Variants in CLIP1 observed in about 807,000 individuals in gnomAD.
CLIP1 encodes CAP-Gly domain containing linker protein 1.
A neutral mutation model predicts 161.6 loss-of-function variants in CLIP1; 66 were observed. That is an observed-to-expected ratio of 0.41 (90% CI 0.33 to 0.50). The LOEUF (loss-of-function observed/expected upper bound fraction) is 0.50, where lower values mean the gene tolerates loss of function less well. Among genes scored for constraint, CLIP1 ranks in the 20% least tolerant of loss-of-function variants. CLIP1 has a pLI of 0.27. For missense variants in CLIP1, 1,376 were observed against 1,702.0 expected (o/e 0.81, Z 3.37); for synonymous variants, 598 against 626.2 (o/e 0.96, Z 0.67).
intron 11 of CLIP1, 68 bp downstream of exon 11, chr12:122,340,685 A>C: frequency 2.2e-6 from 3 of 1,333,562 alleles, no homozygotes; most frequent in Non-Finnish European, 3.1e-6. Context: ...ATCTCAACTC[A>C]AAAGTAACAT....
chr12:122,388,164 T>A (rs1955407611), intron 1 of CLIP1, among the ~76,000 whole-genome samples: 1 of 151,966 alleles, frequency 6.6e-6, no homozygotes, highest in Admixed American at 6.5e-5. Context: ...CACATGAAAG[T>A]TTGTTAGAAA....
Position 122,377,602 on chromosome 12 carries a change from C to A in CLIP1, c.444G>T (p.Pro148=). Residue 148 remains proline, a synonymous_variant, in exon 3 of 26, where the codon CCG becomes CCT. Coordinates refer to ENST00000620786, the MANE Select transcript of CLIP1 (RefSeq NM_001247997.2). Reference sequence around the variant, plus strand: ...CCATGCTGGCCGTAGAAGTGCACAGCGGTGAAGTAGCTCGGGAGGCGGGCG... The same window carrying A: ...CCATGCTGGCCGTAGAAGTGCACAGAGGTGAAGTAGCTCGGGAGGCGGGCG... The part of the protein sequence containing the change: ...QTTPASRATS[P]LCTSTASMVS... 2 of 1,613,868 alleles carry A rather than the reference C, an allele frequency of 1.2e-6. No homozygotes were observed. Among genetic ancestry groups the A allele is most frequent in the Non-Finnish European group, 1.7e-6 (2 of 1,179,996 alleles).
At chr12:122,366,338 T>C (rs1954169595) in intron 3 of CLIP1, among the ~76,000 whole-genome samples, 1 of 149,848 alleles carries the variant, frequency 6.7e-6, no homozygotes. Context: ...AAAAAATAAT[T>C]GGCCCAGTGT....
At chr12:122,394,048 G>A (rs983977187) in intron 1 of CLIP1, among the ~76,000 whole-genome samples, 2 of 151,958 alleles carry the variant, frequency 1.3e-5, no homozygotes, top group Admixed American at 6.6e-5. Context: ...AAAACAGGAT[G>A]TGATGTCTCT....
rs1566242731 is a variant in CLIP1 at position 122,409,134 on chromosome 12, C to G, written c.-107+13387G>C. 2.7e-5 allele frequency among the ~76,000 whole-genome samples: 4 copies of G among 148,496 alleles called. No individual in the cohort carries two copies. In the East Asian group the frequency reaches 6.0e-4, roughly 22 times the overall value. On this transcript the variant is annotated intron_variant, in intron 1 of 25. Transcript: ENST00000620786. ...CCTATAATATTTTTCTTTTCTTTTTCTTTTTTTTTGAGATGGAGTCTTGCT... is the reference window on the plus strand; with the variant it reads ...CCTATAATATTTTTCTTTTCTTTTTGTTTTTTTTTGAGATGGAGTCTTGCT...
At chr12:122,396,971 G>GTT (rs1231012817) in intron 1 of CLIP1, among the ~76,000 whole-genome samples, 1 of 129,428 alleles carries the variant, frequency 7.7e-6, no homozygotes, top group African/African-American at 2.9e-5. Flanking sequence ...TAGAGATGGG[G>GTT]TTTTACCATG....
intron 1 of CLIP1, among the ~76,000 whole-genome samples, chr12:122,394,724 A>C (rs980147664): frequency 6.6e-6 from 1 of 151,572 alleles, no homozygotes. Flanking sequence ...CATCTCTACT[A>C]AAAATACAAA....
At chr12:122,330,732 T>G (rs1951917668) in intron 15 of CLIP1, among the ~76,000 whole-genome samples, 1 of 151,072 alleles carries the variant, frequency 6.6e-6, no homozygotes. Context: ...CCTGAGTAGC[T>G]GGGAATCCAG....
intron 20 of CLIP1, 43 bp downstream of exon 20, chr12:122,309,719 C>A: frequency 1.9e-6 from 3 of 1,609,520 alleles, no homozygotes; most frequent in South Asian, 2.2e-5. Context: ...AGCAGCAGCA[C>A]CCAGCATGGC....
intron 4 of CLIP1, among the ~76,000 whole-genome samples, chr12:122,362,104 C>T (rs929198282): frequency 3.3e-5 from 5 of 151,526 alleles, no homozygotes; most frequent in African/African-American, 1.2e-4. Flanking sequence ...CAGGCACACG[C>T]CACCCTGCCT....
intron 17 of CLIP1, among the ~76,000 whole-genome samples, chr12:122,321,810 C>T (rs1383902159): frequency 1.3e-5 from 2 of 152,202 alleles, no homozygotes; most frequent in African/African-American, 2.4e-5. Flanking sequence ...TGAGCCACTG[C>T]GCCCAGCCGA....
intron 5 of CLIP1, among the ~76,000 whole-genome samples, chr12:122,357,716 G>GC (rs1953523291): frequency 7.0e-6 from 1 of 143,290 alleles, no homozygotes; most frequent in East Asian, 2.2e-4. Flanking sequence ...CCAGCCAGCC[G>GC]CCCCGTCCGG....
Position 122,393,912 on chromosome 12 carries a change from C to CAAAAAAAAAAAAAAA in CLIP1, c.-106-13369_-106-13355dup, listed in dbSNP as rs71082981. Among the ~76,000 whole-genome samples the CAAAAAAAAAAAAAAA allele has an allele frequency of 2.3e-3, 146 of 63,180 alleles. 8 individuals are homozygous for CAAAAAAAAAAAAAAA. The highest frequency in any genetic ancestry group is 6.6e-3 in the African/African-American group (142 of 21,646). The allele number at this position is 63,180 out of a possible 152,430, so 41.4% of individuals were successfully genotyped here. A position where few individuals can be genotyped will look rare whatever the true frequency, so the allele number is the denominator to read the frequency against. On this transcript the variant is annotated intron_variant, in intron 1 of 25. Coordinates refer to ENST00000620786, the MANE Select transcript of CLIP1 (RefSeq NM_001247997.2). ...GGGTGACAGAGTGAGATTCTGTCTC[C>CAAAAAAAAAAAAAAA]AAAAAAAAAAAAAAAAAAGATTCTA...
At chr12:122,387,581 TATATA>T (rs1566209589) in intron 1 of CLIP1, among the ~76,000 whole-genome samples, 10 of 4,496 alleles carry the variant, frequency 2.2e-3, no homozygotes, top group Non-Finnish European at 3.5e-3. Context: ...TATATATATA[TATATA>T]TATATTTTTT....
At chr12:122,420,934 CATTGATTG>C (rs202216278) in intron 1 of CLIP1, among the ~76,000 whole-genome samples, 2 of 151,708 alleles carry the variant, frequency 1.3e-5, no homozygotes, top group East Asian at 2.0e-4. Flanking sequence ...GGCTCCCTCT[CATTGATTG>C]ATTGATTGAT....
At chr12:122,360,818 G>T in intron 5 of CLIP1, 141 bp downstream of exon 5, 1 of 682,606 alleles carries the variant, frequency 1.5e-6, no homozygotes, top group Non-Finnish European at 2.3e-6. Context: ...AAACTTACTT[G>T]CAAAGACTTT....
chr12:122,286,931 GA>G (rs1396816228), intron 21 of CLIP1, among the ~76,000 whole-genome samples: 4 of 152,178 alleles, frequency 2.6e-5, no homozygotes, highest in Admixed American at 6.5e-5. Flanking sequence ...CCAGGAGGCG[GA>G]GGTTGCAGTG....
intron 1 of CLIP1, among the ~76,000 whole-genome samples, chr12:122,389,758 C>CAAAAAAAAAAAAAAAAAAAAA (rs57168188): frequency 2.9e-5 from 2 of 69,304 alleles, no homozygotes; most frequent in Non-Finnish European, 5.2e-5. Context: ...GATCCTGTCT[C>CAAAAAAAAAAAAAAAAAAAAA]AAAAAAAAAA....
intron 20 of CLIP1, among the ~76,000 whole-genome samples, chr12:122,309,497 A>G (rs1201318989): frequency 2.6e-5 from 4 of 152,180 alleles, no homozygotes; most frequent in African/African-American, 9.7e-5. Flanking sequence ...GAGCTACAAG[A>G]TTGTCTAATA....
Sources: allele counts gnomAD v4.1 joint callset (sites outside exome capture counted in the v4.1 genomes callset), GRCh38; gene constraint gnomAD v4.1.1; transcripts MANE v1.5; gene names NCBI Gene and HGNC (gene_info 2026-07-23, HGNC 2026-07-21).